Variants in TTC3 observed in about 807,000 individuals in gnomAD.
TTC3 encodes E3 ubiquitin-protein ligase TTC3.
A neutral mutation model predicts 249.6 loss-of-function variants in TTC3; 180 were observed. The ratio of observed to expected loss-of-function variants is 0.72; its 90% CI spans 0.64 to 0.82. The LOEUF (loss-of-function observed/expected upper bound fraction) is 0.82. Ranked by LOEUF, TTC3 falls within the 40% of genes least tolerant of loss-of-function variation. TTC3 has a pLI of 0.00. For missense variants in TTC3, 2,061 were observed against 2,398.4 expected (o/e 0.86, Z 2.94); for synonymous variants, 717 against 805.0 (o/e 0.89, Z 1.85).
chr21:37,158,357 C>T (rs118100253), intron 28 of TTC3, among the ~76,000 whole-genome samples: 4,176 of 152,272 alleles, frequency 0.027, 82 homozygotes, highest in Middle Eastern at 0.044. Flanking sequence ...TTCCAGCTGC[C>T]ACTGTTTCTC....
intron 1 of TTC3, among the ~76,000 whole-genome samples, chr21:37,074,003 A>G (rs2070436421): frequency 1.3e-5 from 2 of 152,130 alleles, no homozygotes; most frequent in African/African-American, 4.8e-5. Flanking sequence ...TGCGGATTTA[A>G]TTCTGTCGAG....
chr21:37,108,053 C>A, intron 10 of TTC3: 1 of 173,800 alleles, frequency 5.8e-6, no homozygotes, highest in Non-Finnish European at 1.2e-5. Flanking sequence ...CCACTGCACT[C>A]CAGCCTGGGC....
intron 15 of TTC3, among the ~76,000 whole-genome samples, chr21:37,127,917 C>CTTTGAGGATGT (rs1396084499): frequency 6.6e-6 from 1 of 152,148 alleles, no homozygotes; most frequent in East Asian, 1.9e-4. Context: ...TATAAAACAT[C>CTTTGAGGATGT]TTTGAGGATA....
intron 11 of TTC3, among the ~76,000 whole-genome samples, chr21:37,109,385 G>C (rs762487364): frequency 6.6e-6 from 1 of 152,204 alleles, no homozygotes; most frequent in Non-Finnish European, 1.5e-5. Context: ...TTTCCAATGG[G>C]CTTATCAAAC....
intron 8 of TTC3, 57 bp downstream of exon 8, chr21:37,094,147 C>A: frequency 9.8e-7 from 1 of 1,015,296 alleles, no homozygotes; most frequent in Non-Finnish European, 1.4e-6. Context: ...CTTTTTAACA[C>A]TCAGAGGAAG....
chr21:37,109,759 C>G (rs947104094), intron 11 of TTC3, among the ~76,000 whole-genome samples: 1 of 152,252 alleles, frequency 6.6e-6, no homozygotes, highest in African/African-American at 2.4e-5. Context: ...GGGCAGATTG[C>G]CTCCTCAAGT....
chr21:37,181,545 C>G (rs906420333), intron 35 of TTC3, among the ~76,000 whole-genome samples: 1 of 152,204 alleles, frequency 6.6e-6, no homozygotes. Flanking sequence ...AAGGTTGCAG[C>G]TAAGAAGATG....
chr21:37,096,763 T>TA lies in TTC3; in HGVS notation c.845+122dup, dbSNP rs1479431257. On this transcript the variant is annotated intron_variant, in intron 10 of 45. Coordinates refer to ENST00000355666, the Ensembl canonical transcript of TTC3. ...TGACTGGTTCTTTGGCAGAAATACT[T>TA]AAGTGGTTAAAAGAGTATGCTTAGG... 39 of 714,518 alleles carry TA rather than the reference T, an allele frequency of 5.5e-5. 1 individual carries two copies. Among genetic ancestry groups the TA allele is most frequent in the South Asian group, 4.9e-4 (27 of 55,144 alleles). The allele number at this position is 714,518 out of a possible 1,614,324, so 44.3% of individuals were successfully genotyped here.
Position 37,167,631 on chromosome 21 carries a change from A to T in TTC3, c.4467+11A>T, listed in dbSNP as rs771593854. The T allele has an allele frequency of 6.2e-7, 1 of 1,603,024 alleles. No individual in the cohort carries two copies. The highest frequency in any genetic ancestry group is 1.1e-5 in the South Asian group (1 of 90,504). ...TTTGAGGAACGACAAGTGAGTCAAA[A>T]TTACATTAAACTGTTTAAAGGTTTA... On this transcript the variant is annotated intron_variant, in intron 34 of 45. Coordinates refer to ENST00000355666, the Ensembl canonical transcript of TTC3.
At chr21:37,174,998 G>A (rs914830829) in intron 35 of TTC3, among the ~76,000 whole-genome samples, 2 of 151,882 alleles carry the variant, frequency 1.3e-5, no homozygotes, top group African/African-American at 4.8e-5. Context: ...GCTCACACCT[G>A]TAATCCCAGC....
chr21:37,148,907 G>A (rs1239451639), intron 23 of TTC3, among the ~76,000 whole-genome samples: 1 of 151,818 alleles, frequency 6.6e-6, no homozygotes, highest in Non-Finnish European at 1.5e-5. Flanking sequence ...GCTCACTGCA[G>A]CCTCAGACTC....
exon 33 of TTC3, chr21:37,166,304 T>C: frequency 6.2e-7 from 1 of 1,614,228 alleles, no homozygotes; most frequent in Non-Finnish European, 8.5e-7. Context: ...GCTACCAAGA[T>C]CAGTACCAGT....
chr21:37,183,504 CA>C (rs1486372528), intron 36 of TTC3, among the ~76,000 whole-genome samples: 2 of 152,072 alleles, frequency 1.3e-5, no homozygotes, highest in African/African-American at 4.8e-5. Flanking sequence ...AGAAAACACC[CA>C]AAAGTCAGTT....
intron 39 of TTC3, among the ~76,000 whole-genome samples, chr21:37,191,055 G>A (rs572267432): frequency 1.3e-5 from 2 of 152,228 alleles, no homozygotes; most frequent in Admixed American, 1.3e-4. Context: ...GATGAAGAAC[G>A]GTCAAACTTT....
At chr21:37,081,828 T>A (rs2071708101) in intron 1 of TTC3, 1 of 151,834 alleles carries the variant, frequency 6.6e-6, no homozygotes, top group Non-Finnish European at 1.5e-5. Flanking sequence ...ACCCATCCTG[T>A]CTCTTTTTTT....
chr21:37,102,466 G>A (rs2074607178), intron 10 of TTC3, among the ~76,000 whole-genome samples: 1 of 152,202 alleles, frequency 6.6e-6, no homozygotes, highest in Non-Finnish European at 1.5e-5. Flanking sequence ...GGAAAAGACA[G>A]GCAAATGGTG....
At chr21:37,199,567 C>T (rs143686747) in intron 44 of TTC3, among the ~76,000 whole-genome samples, 72 of 152,312 alleles carry the variant, frequency 4.7e-4, no homozygotes, top group African/African-American at 1.5e-3. Flanking sequence ...GGATGTTTGC[C>T]GGATGAGCCA....
At chr21:37,105,160 A>T (rs1010913019) in intron 10 of TTC3, among the ~76,000 whole-genome samples, 2 of 152,336 alleles carry the variant, frequency 1.3e-5, no homozygotes, top group South Asian at 4.1e-4. Flanking sequence ...CATGGACATC[A>T]TTCACTAACC....
intron 1 of TTC3, among the ~76,000 whole-genome samples, chr21:37,076,910 A>G (rs922167073): frequency 1.3e-5 from 2 of 151,854 alleles, no homozygotes; most frequent in Non-Finnish European, 2.9e-5. Context: ...CATGTTGGCT[A>G]GGCACGTCTT....
Sources: allele counts gnomAD v4.1 joint callset (sites outside exome capture counted in the v4.1 genomes callset), GRCh38; gene constraint gnomAD v4.1.1; transcripts MANE v1.5; gene names NCBI Gene and HGNC (gene_info 2026-07-23, HGNC 2026-07-21).